The following ADAMTS12 variants were observed in gnomAD, a reference collection of about 807,000 sequenced individuals.
The protein encoded by ADAMTS12 is ADAM metallopeptidase with thrombospondin type 1 motif 12.
Under a neutral mutation model 167.8 loss-of-function variants are expected in ADAMTS12, and 118 were observed. The observed-to-expected ratio is 0.70, with a 90% CI of 0.61 to 0.82. The LOEUF (loss-of-function observed/expected upper bound fraction) is 0.82, where lower values mean the gene tolerates loss of function less well. ADAMTS12 is among the 40% of genes least tolerant of loss of function. The pLI is 0.00. For missense variants in ADAMTS12, 1,916 were observed against 1,998.8 expected, an observed-to-expected ratio of 0.96 and a Z score of 0.79; for synonymous variants, 704 against 716.9, an observed-to-expected ratio of 0.98 and a Z score of 0.29.
intron 23 of ADAMTS12, among the ~76,000 whole-genome samples, chr5:33,527,644 T>A (rs1158835116): frequency 6.6e-6 from 1 of 152,212 alleles, no homozygotes; most frequent in Non-Finnish European, 1.5e-5. Context: ...TGGAGAATCC[T>A]TCCCAACTAC....
At chr5:33,755,874 G>A (rs1314920181) in intron 2 of ADAMTS12, among the ~76,000 whole-genome samples, 2 of 151,916 alleles carry the variant, frequency 1.3e-5, no homozygotes, top group East Asian at 3.9e-4. Context: ...CCAAAATCAA[G>A]AACAGAAAAA....
At chr5:33,791,866 T>G (rs1044280121) in intron 2 of ADAMTS12, among the ~76,000 whole-genome samples, 5 of 151,628 alleles carry the variant, frequency 3.3e-5, no homozygotes, top group Non-Finnish European at 7.4e-5. Flanking sequence ...CTAACTCAGA[T>G]CCTATACTCC....
intron 3 of ADAMTS12, among the ~76,000 whole-genome samples, 189 bp from the exon 4 acceptor site, chr5:33,684,244 G>C (rs1257189247): frequency 6.6e-6 from 1 of 151,104 alleles, no homozygotes; most frequent in East Asian, 1.9e-4. Context: ...ATCTTACAGA[G>C]AGGTTCAAAA....
intron 16 of ADAMTS12, among the ~76,000 whole-genome samples, chr5:33,599,839 GA>G (rs1265678555): frequency 4.9e-4 from 74 of 152,276 alleles, no homozygotes; most frequent in African/African-American, 1.6e-3. Context: ...ATCTCTTGTG[GA>G]GGGGGTTCAA....
intron 2 of ADAMTS12, among the ~76,000 whole-genome samples, chr5:33,867,003 TG>T (rs1437748963): frequency 6.6e-6 from 1 of 152,118 alleles, no homozygotes; most frequent in African/African-American, 2.4e-5. Flanking sequence ...GCTTATACAC[TG>T]CTGGTGGGAA....
At chr5:33,547,462 G>A (rs1353490009) in intron 21 of ADAMTS12, among the ~76,000 whole-genome samples, 1 of 152,076 alleles carries the variant, frequency 6.6e-6, no homozygotes, top group Non-Finnish European at 1.5e-5. Flanking sequence ...GCCATGGAGG[G>A]TAGTTGAGGC....
intron 2 of ADAMTS12, among the ~76,000 whole-genome samples, chr5:33,799,331 T>C (rs760860685): frequency 3.0e-4 from 46 of 152,282 alleles, no homozygotes; most frequent in Non-Finnish European, 4.7e-4. Context: ...GACCTAAATA[T>C]ACTCATCATC....
intron 17 of ADAMTS12, among the ~76,000 whole-genome samples, chr5:33,590,898 CTTT>C (rs60630543): frequency 1.2e-4 from 16 of 137,828 alleles, no homozygotes; most frequent in Admixed American, 1.4e-4. Flanking sequence ...CTTCTTCTTC[CTTT>C]TTTTTTTTTT....
At chr5:33,784,139 T>C (rs183743530) in intron 2 of ADAMTS12, among the ~76,000 whole-genome samples, 5 of 151,958 alleles carry the variant, frequency 3.3e-5, no homozygotes, top group African/African-American at 1.2e-4. Context: ...AGAAAAGTCC[T>C]TGACAAAAAT....
At chr5:33,618,553 A>G (rs1042256800) in intron 14 of ADAMTS12, among the ~76,000 whole-genome samples, 1 of 152,166 alleles carries the variant, frequency 6.6e-6, no homozygotes, top group African/African-American at 2.4e-5. Flanking sequence ...AGACTGTCCA[A>G]TGTCTATTTG....
intron 3 of ADAMTS12, among the ~76,000 whole-genome samples, chr5:33,743,456 C>T (rs1306126292): frequency 6.6e-6 from 1 of 152,204 alleles, no homozygotes; most frequent in African/African-American, 2.4e-5. Flanking sequence ...GGCTGGGCCT[C>T]AGGGCCTCAT....
At chr5:33,589,363 A>C (rs916992127) in intron 17 of ADAMTS12, among the ~76,000 whole-genome samples, 15 of 152,220 alleles carry the variant, frequency 9.9e-5, no homozygotes, top group African/African-American at 3.6e-4. Flanking sequence ...TAGCTACTTA[A>C]ACATAAATTT....
chr5:33,644,341 C>T (rs553404317), intron 9 of ADAMTS12, among the ~76,000 whole-genome samples: 1 of 152,252 alleles, frequency 6.6e-6, no homozygotes, highest in African/African-American at 2.4e-5. Flanking sequence ...ACCGAAGAAA[C>T]TTTCTCCTCC....
At chr5:33,792,018 G>T (rs1746593328) in intron 2 of ADAMTS12, among the ~76,000 whole-genome samples, 2 of 114,160 alleles carry the variant, frequency 1.8e-5, no homozygotes, top group African/African-American at 4.3e-5. Flanking sequence ...TTTTTTTTGA[G>T]ATGGAGTCTC....
At chr5:33,730,059 T>C (rs975778911) in intron 3 of ADAMTS12, among the ~76,000 whole-genome samples, 1 of 152,224 alleles carries the variant, frequency 6.6e-6, no homozygotes, top group African/African-American at 2.4e-5. Context: ...AGAAGGCTTC[T>C]TTCTTCCACC....
At chr5:33,801,579 T>C (rs1428530480) in intron 2 of ADAMTS12, among the ~76,000 whole-genome samples, 1 of 152,206 alleles carries the variant, frequency 6.6e-6, no homozygotes, top group Non-Finnish European at 1.5e-5. Context: ...TCTCTTTTCT[T>C]CTCACTGTGG....
chr5:33,645,438 C>T (rs1740628612), intron 9 of ADAMTS12, among the ~76,000 whole-genome samples: 1 of 152,150 alleles, frequency 6.6e-6, no homozygotes, highest in African/African-American at 2.4e-5. Context: ...ATGCAAAGGT[C>T]TCAGTTCTAA....
intron 5 of ADAMTS12, among the ~76,000 whole-genome samples, chr5:33,663,901 C>T (rs1741373414): frequency 1.3e-5 from 2 of 151,012 alleles, no homozygotes; most frequent in Non-Finnish European, 2.9e-5. Flanking sequence ...ATAGTATTAC[C>T]ACTTATAATT....
chr5:33,619,493 C>T (rs1235532741), intron 14 of ADAMTS12, among the ~76,000 whole-genome samples: 1 of 152,088 alleles, frequency 6.6e-6, no homozygotes, highest in Non-Finnish European at 1.5e-5. Flanking sequence ...CAGCTGGAGA[C>T]TCATCTGATG....
Sources: gnomAD v4.1 joint callset for allele counts (sites outside exome capture counted in the v4.1 genomes callset) on GRCh38, gnomAD v4.1.1 for gene constraint, MANE v1.5 for transcripts, NCBI Gene and HGNC (gene_info 2026-07-23, HGNC 2026-07-21) for gene names.